Variants in SLC4A10 observed in about 807,000 individuals in gnomAD.
The protein encoded by SLC4A10 is solute carrier family 4 member 10.
A neutral mutation model predicts 137.7 loss-of-function variants in SLC4A10; 42 were observed. The ratio of observed to expected loss-of-function variants is 0.30; its 90% confidence interval spans 0.24 to 0.39. SLC4A10 has a LOEUF of 0.39. SLC4A10 is among the 10% of genes least tolerant of loss of function. The probability of loss-of-function intolerance (pLI) is 1.00; values close to 1 mark genes in which losing one functional copy is unlikely to be tolerated. For synonymous variants in SLC4A10, 474 were observed against 464.1 expected (o/e 1.02, Z -0.27); for missense variants, 925 against 1,355.0 (o/e 0.68, Z 4.98).
At chr2:161,892,524 G>A (rs375580072) in intron 10 of SLC4A10, among the ~76,000 whole-genome samples, 5 of 151,988 alleles carry the variant, frequency 3.3e-5, no homozygotes, top group South Asian at 2.1e-4. Context: ...GTTTTGTGAC[G>A]TGTTCTTAGT....
chr2:161,868,740 G>A (rs1283741302), intron 6 of SLC4A10, among the ~76,000 whole-genome samples: 1 of 151,504 alleles, frequency 6.6e-6, no homozygotes, highest in Non-Finnish European at 1.5e-5. Flanking sequence ...GAGATATTAG[G>A]TTTCTCAAAT....
intron 15 of SLC4A10, among the ~76,000 whole-genome samples, chr2:161,941,460 T>C (rs2105750455): frequency 6.6e-6 from 1 of 152,280 alleles, no homozygotes; most frequent in South Asian, 2.1e-4. Context: ...GGCACACGTG[T>C]AGTAAGCTAA....
intron 9 of SLC4A10, among the ~76,000 whole-genome samples, chr2:161,881,411 C>T (rs1238512804): frequency 6.6e-6 from 1 of 151,944 alleles, no homozygotes; most frequent in Non-Finnish European, 1.5e-5. Context: ...GTCACTGGCA[C>T]ACACAAAAAA....
chr2:161,682,619 A>C (rs917964578), intron 1 of SLC4A10, among the ~76,000 whole-genome samples: 4 of 152,122 alleles, frequency 2.6e-5, no homozygotes, highest in African/African-American at 7.2e-5. Context: ...ATAATTTTGC[A>C]ATCTGGGCTT....
chr2:161,708,449 T>C (rs183402564), intron 1 of SLC4A10, among the ~76,000 whole-genome samples: 1 of 151,746 alleles, frequency 6.6e-6, no homozygotes, highest in African/African-American at 2.4e-5. Flanking sequence ...GTCTTCATAG[T>C]ATCAGAAATG....
chr2:161,681,113 A>G (rs12692641), intron 1 of SLC4A10, among the ~76,000 whole-genome samples: 139,533 of 152,180 alleles, frequency 0.92, 64,050 homozygotes, highest in East Asian at 1. Flanking sequence ...TGAAGTTGAT[A>G]CCACTTACTT....
At chr2:161,939,524 A>C (rs749188146) in intron 15 of SLC4A10, among the ~76,000 whole-genome samples, 4 of 152,130 alleles carry the variant, frequency 2.6e-5, no homozygotes, top group Non-Finnish European at 5.9e-5. Context: ...GTAGATTTCC[A>C]TTTCTGATTC....
chr2:161,958,472 A>G lies in SLC4A10; in HGVS notation c.2794-15A>G. On this transcript the variant is annotated splice_polypyrimidine_tract_variant and intron_variant, in intron 20 of 26. Coordinates refer to ENST00000446997, the MANE Select transcript of SLC4A10 (RefSeq NM_001178015.2). ...GAAAATGATTTCTGCCTTTTCTCCAATTGTTCTTTTACAGTTTATTCCCAT... is the reference window on the plus strand; with the variant it reads ...GAAAATGATTTCTGCCTTTTCTCCAGTTGTTCTTTTACAGTTTATTCCCAT... 6.2e-7 allele frequency: 1 copy of G among 1,603,022 alleles called. No homozygotes were observed. The highest frequency in any genetic ancestry group is 8.5e-7 in the Non-Finnish European group (1 of 1,173,102).
rs962301471 is a variant in SLC4A10, at chr2:161,984,899, T to G, written c.*1747T>G. 6.6e-6 allele frequency: 1 copy of G among 152,048 alleles called. No individual in the cohort carries two copies. 9.4% of individuals were successfully genotyped at this position (152,048 alleles called of 1,614,324 possible). On this transcript the variant is annotated 3_prime_UTR_variant, in exon 27 of 27. Coordinates refer to ENST00000446997, the MANE Select transcript of SLC4A10 (RefSeq NM_001178015.2). ...GCAGCCTCTTAGTGTTTTAATATAT[T>G]AATAACTGTTTTGTTAAAAATGATC... is the stretch of plus-strand genomic sequence containing the variant.
chr2:161,811,012 G>C (rs1230158989), intron 3 of SLC4A10, among the ~76,000 whole-genome samples: 1 of 151,874 alleles, frequency 6.6e-6, no homozygotes, highest in Non-Finnish European at 1.5e-5. Context: ...TTTTTGGTTG[G>C]TAGGTTTTTT....
At chr2:161,834,064 A>G (rs766356082) in intron 3 of SLC4A10, among the ~76,000 whole-genome samples, 8 of 152,258 alleles carry the variant, frequency 5.3e-5, no homozygotes, top group Non-Finnish European at 8.8e-5. Flanking sequence ...ATAATGCGTT[A>G]TTCTTTCTTA....
At chr2:161,718,398 G>A (rs957557505) in intron 1 of SLC4A10, among the ~76,000 whole-genome samples, 5 of 152,100 alleles carry the variant, frequency 3.3e-5, no homozygotes, top group African/African-American at 1.2e-4. Context: ...ATGTTAGGAT[G>A]TGGGTTTGAG....
At chr2:161,642,405 T>C (rs1486103463) in intron 1 of SLC4A10, among the ~76,000 whole-genome samples, 1 of 151,944 alleles carries the variant, frequency 6.6e-6, no homozygotes, top group Admixed American at 6.6e-5. Context: ...TTACTGAATC[T>C]CAGATGGTTC....
intron 1 of SLC4A10, among the ~76,000 whole-genome samples, chr2:161,681,788 G>A (rs965195500): frequency 2.6e-5 from 4 of 151,766 alleles, no homozygotes; most frequent in Admixed American, 1.3e-4. Flanking sequence ...CAATTTCTGC[G>A]TTTGCCTTCC....
chr2:161,894,863 T>A, intron 11 of SLC4A10, 38 bp downstream of exon 11: 1 of 1,272,416 alleles, frequency 7.9e-7, no homozygotes, highest in Non-Finnish European at 1.0e-6. Context: ...AATTGAATTT[T>A]TTTTTGTCTT....
intron 3 of SLC4A10, among the ~76,000 whole-genome samples, chr2:161,826,270 T>A (rs1364606027): frequency 6.6e-6 from 1 of 152,174 alleles, no homozygotes; most frequent in Non-Finnish European, 1.5e-5. Flanking sequence ...ATCTGAACTA[T>A]AACAAAGATA....
intron 1 of SLC4A10, among the ~76,000 whole-genome samples, chr2:161,682,936 A>G (rs977827451): frequency 6.6e-6 from 1 of 152,082 alleles, no homozygotes; most frequent in Admixed American, 6.6e-5. Context: ...TTTGTAATAT[A>G]TAAATATCAT....
intron 23 of SLC4A10, among the ~76,000 whole-genome samples, chr2:161,973,218 T>C (rs978521024): frequency 6.6e-6 from 1 of 152,226 alleles, no homozygotes; most frequent in African/African-American, 2.4e-5. Flanking sequence ...ATTCCATTTC[T>C]GGGGTTAGAA....
intron 1 of SLC4A10, among the ~76,000 whole-genome samples, chr2:161,645,125 G>A (rs903916383): frequency 2.0e-5 from 3 of 152,060 alleles, no homozygotes; most frequent in Admixed American, 1.3e-4. Flanking sequence ...CCCATAAGTT[G>A]TCCTTAAAAA....
Sources: allele counts gnomAD v4.1 joint callset (sites outside exome capture counted in the v4.1 genomes callset), GRCh38; gene constraint gnomAD v4.1.1; transcripts MANE v1.5; gene names NCBI Gene and HGNC (gene_info 2026-07-23, HGNC 2026-07-21).